Variants in CCDC178 observed in about 807,000 individuals in gnomAD.
CCDC178 encodes coiled-coil domain containing 178.
Under a neutral mutation model 117.4 loss-of-function variants are expected in CCDC178, and 126 were observed. That is an observed-to-expected ratio of 1.07 (90% CI 0.93 to 1.24). CCDC178 has a LOEUF of 1.24. CCDC178 is among the 50% of genes most tolerant of loss of function. The pLI is 0.00. For synonymous variants in CCDC178, 283 were observed against 313.4 expected (o/e 0.90, Z 1.02); for missense variants, 1,030 against 986.9 (o/e 1.04, Z -0.59).
At chr18:33,331,026 C>CTTTTT (rs67153629) in intron 10 of CCDC178, among the ~76,000 whole-genome samples, 11 of 45,054 alleles carry the variant, frequency 2.4e-4, no homozygotes, top group African/African-American at 6.4e-4. Context: ...ACAAACATTG[C>CTTTTT]TTTTTTTTTT....
chr18:33,183,797 T>C (rs1398190264), intron 20 of CCDC178, among the ~76,000 whole-genome samples: 2 of 143,756 alleles, frequency 1.4e-5, no homozygotes. Flanking sequence ...AGTCAGTGGT[T>C]ATTACTCTTA....
intron 5 of CCDC178, among the ~76,000 whole-genome samples, chr18:33,386,425 C>A (rs1290163045): frequency 2.0e-5 from 3 of 150,534 alleles, no homozygotes; most frequent in Admixed American, 6.6e-5. Flanking sequence ...ACAACAACAA[C>A]AAAAACTTCA....
intron 20 of CCDC178, among the ~76,000 whole-genome samples, chr18:33,112,175 AG>A (rs889800619): frequency 4.6e-5 from 7 of 151,756 alleles, no homozygotes; most frequent in Non-Finnish European, 7.4e-5. Context: ...AAAAAATCAT[AG>A]TTTTTTATAT....
At chr18:33,431,186 T>C (rs2064213754) in intron 2 of CCDC178, among the ~76,000 whole-genome samples, 1 of 137,602 alleles carries the variant, frequency 7.3e-6, no homozygotes, top group Non-Finnish European at 1.5e-5. Flanking sequence ...ATACAAATGA[T>C]TTAACTTTTT....
At chr18:32,967,088 ATTGTT>A in intron 22 of CCDC178, among the ~76,000 whole-genome samples, 1 of 151,736 alleles carries the variant, frequency 6.6e-6, no homozygotes, top group African/African-American at 2.4e-5. Flanking sequence ...GAATAAGTAT[ATTGTT>A]ATTGTTAGCA....
intron 5 of CCDC178, among the ~76,000 whole-genome samples, chr18:33,374,311 A>G (rs891624903): frequency 1.3e-5 from 2 of 152,132 alleles, no homozygotes; most frequent in African/African-American, 4.8e-5. Flanking sequence ...AATATTCAGA[A>G]AATAGGCATA....
intron 11 of CCDC178, among the ~76,000 whole-genome samples, chr18:33,296,477 A>G (rs776461186): frequency 6.6e-6 from 1 of 152,186 alleles, no homozygotes; most frequent in South Asian, 2.1e-4. Context: ...AATACTGACA[A>G]CAAGTACAGT....
intron 3 of CCDC178, among the ~76,000 whole-genome samples, chr18:33,409,640 A>T (rs927055501): frequency 6.6e-6 from 1 of 152,170 alleles, no homozygotes; most frequent in Non-Finnish European, 1.5e-5. Context: ...ACTGGCATAA[A>T]CACACAGGAC....
chr18:33,187,033 T>TA, intron 20 of CCDC178, among the ~76,000 whole-genome samples: 1 of 151,190 alleles, frequency 6.6e-6, no homozygotes, highest in Non-Finnish European at 1.5e-5. Context: ...TGGGGAAACT[T>TA]ACAATCATGG....
chr18:33,316,026 C>G (rs963865910), intron 11 of CCDC178, among the ~76,000 whole-genome samples: 2 of 152,234 alleles, frequency 1.3e-5, no homozygotes, highest in African/African-American at 4.8e-5. Flanking sequence ...CCTAGTCTGT[C>G]TATGGAGTAT....
rs200395184 is a variant in CCDC178, at chr18:33,215,613, T to C, written c.2015A>G (p.Asn672Ser). 7.9e-6 allele frequency: 12 copies of C among 1,520,818 alleles called. No individual in the cohort carries two copies. In the East Asian group the frequency reaches 3.0e-4, roughly 38 times the overall value. 94.2% of individuals were successfully genotyped at this position (1,520,818 alleles called of 1,614,324 possible). ...TTCTTCTTTTGCTTTTAATTCCTCA[T>C]TCAATTCATTTATTTTTGCATAAAA... ...MIFYAKINELNEELKAKEEEK... is the reference protein window; with the variant it reads ...MIFYAKINELSEELKAKEEEK... The change falls in exon 19 of 23, where the codon AAT becomes AGT. Residue 672 changes from asparagine (N) to serine (S), a missense_variant. Physicochemically the swap from Asn to Ser is conservative, Grantham distance 46 (BLOSUM62 1). Coordinates refer to ENST00000383096, the MANE Select transcript of CCDC178 (RefSeq NM_001105528.4).
chr18:33,275,801 A>C (rs1286179228), intron 12 of CCDC178, among the ~76,000 whole-genome samples: 1 of 151,710 alleles, frequency 6.6e-6, no homozygotes, highest in Non-Finnish European at 1.5e-5. Flanking sequence ...ATTGGTTTCT[A>C]AATTTTTTTC....
At chr18:33,108,249 A>G (rs942632793) in intron 20 of CCDC178, among the ~76,000 whole-genome samples, 15 of 151,586 alleles carry the variant, frequency 9.9e-5, no homozygotes, top group Admixed American at 3.3e-4. Context: ...TGCTTATTTT[A>G]CTGTGTAAAG....
intron 11 of CCDC178, among the ~76,000 whole-genome samples, chr18:33,301,804 TTATAGG>T (rs1279496850): frequency 1.3e-5 from 2 of 152,302 alleles, no homozygotes; most frequent in African/African-American, 4.8e-5. Flanking sequence ...TGCTTTGATT[TTATAGG>T]CTCAAAGTTG....
intron 11 of CCDC178, among the ~76,000 whole-genome samples, chr18:33,309,143 CATAAGGCTATGA>C (rs1284660280): frequency 6.7e-6 from 1 of 149,616 alleles, no homozygotes; most frequent in African/African-American, 2.5e-5. Flanking sequence ...GCATAAATGA[CATAAGGCTATGA>C]ACATAGCCAA....
intron 21 of CCDC178, among the ~76,000 whole-genome samples, chr18:33,063,569 C>T (rs1273733934): frequency 6.6e-6 from 1 of 152,158 alleles, no homozygotes; most frequent in African/African-American, 2.4e-5. Flanking sequence ...TGCCCATGTG[C>T]ACCTCTCAGG....
chr18:33,019,628 G>A (rs895365969), intron 21 of CCDC178, among the ~76,000 whole-genome samples: 11 of 152,048 alleles, frequency 7.2e-5, no homozygotes, highest in African/African-American at 2.4e-4. Context: ...GCTGTGAAAG[G>A]TGCCTTACTT....
At chr18:33,089,343 C>T (rs915066729) in intron 21 of CCDC178, among the ~76,000 whole-genome samples, 3 of 152,084 alleles carry the variant, frequency 2.0e-5, no homozygotes, top group African/African-American at 7.2e-5. Context: ...GCATCTCCCT[C>T]TACTTGAGCA....
At chr18:33,029,484 T>C (rs543695846) in intron 21 of CCDC178, among the ~76,000 whole-genome samples, 4 of 152,076 alleles carry the variant, frequency 2.6e-5, no homozygotes, top group African/African-American at 9.6e-5. Context: ...TTTCCTTTGT[T>C]ATTTTTCTAT....
Sources: allele counts gnomAD v4.1 joint callset (sites outside exome capture counted in the v4.1 genomes callset), GRCh38; gene constraint gnomAD v4.1.1; transcripts MANE v1.5; gene names NCBI Gene and HGNC (gene_info 2026-07-23, HGNC 2026-07-21).